The following RBMS3 variants were observed in gnomAD, a reference collection of about 807,000 sequenced individuals.
RBMS3 encodes RNA binding motif single stranded interacting protein 3, also known as RNA-binding motif, single-stranded-interacting protein 3.
Under a neutral mutation model 66.8 loss-of-function variants are expected in RBMS3, and 27 were observed. The observed-to-expected ratio is 0.40, with a 90% CI of 0.30 to 0.56. The LOEUF (loss-of-function observed/expected upper bound fraction) is 0.56. RBMS3 is among the 20% of genes least tolerant of loss of function. The pLI, the probability that RBMS3 is intolerant of heterozygous loss-of-function variation, is 0.40. For synonymous variants in RBMS3, 188 were observed against 183.0 expected, an observed-to-expected ratio of 1.03 and a Z score of -0.22; for missense variants, 513 against 549.5, an observed-to-expected ratio of 0.93 and a Z score of 0.66.
At chr3:29,775,924 T>C (rs2149402252) in intron 6 of RBMS3, among the ~76,000 whole-genome samples, 1 of 152,190 alleles carries the variant, frequency 6.6e-6, no homozygotes, top group East Asian at 1.9e-4. Context: ...TTTACCTAAT[T>C]TGAATGATCT....
At chr3:29,527,181 TAAA>T (rs538907247) in intron 3 of RBMS3, among the ~76,000 whole-genome samples, 1,971 of 87,420 alleles carry the variant, frequency 0.023, 47 homozygotes, top group Admixed American at 0.062. Context: ...TTAGGTAGAG[TAAA>T]AAAAAAAAAA....
At chr3:29,763,749 A>G (rs999503575) in intron 6 of RBMS3, among the ~76,000 whole-genome samples, 1 of 152,254 alleles carries the variant, frequency 6.6e-6, no homozygotes, top group Middle Eastern at 3.4e-3. Context: ...AGGTTTTAAT[A>G]TTAACTAAGT....
At chr3:29,677,749 G>T (rs947407992) in intron 4 of RBMS3, among the ~76,000 whole-genome samples, 1 of 151,826 alleles carries the variant, frequency 6.6e-6, no homozygotes, top group Admixed American at 6.6e-5. Context: ...TTTTCCACAG[G>T]CAGTCTAGGA....
chr3:29,554,608 A>T (rs2046283100), intron 3 of RBMS3, among the ~76,000 whole-genome samples: 1 of 152,216 alleles, frequency 6.6e-6, no homozygotes, highest in South Asian at 2.1e-4. Flanking sequence ...GGAAGAAAAG[A>T]CTTCATAGAG....
chr3:29,588,635 A>G (rs1453786052), intron 4 of RBMS3, among the ~76,000 whole-genome samples: 1 of 152,092 alleles, frequency 6.6e-6, no homozygotes, highest in African/African-American at 2.4e-5. Context: ...AAGGCAGAAT[A>G]AATTTGAATT....
chr3:29,920,734 G>T (rs1456696437), intron 10 of RBMS3, among the ~76,000 whole-genome samples: 2 of 151,852 alleles, frequency 1.3e-5, no homozygotes, highest in East Asian at 3.9e-4. Context: ...CCAGCACTTT[G>T]GAAGGTGGAG....
chr3:29,441,236 T>C (rs1187382946), intron 2 of RBMS3, among the ~76,000 whole-genome samples: 1 of 152,196 alleles, frequency 6.6e-6, no homozygotes, highest in African/African-American at 2.4e-5. Context: ...AATTCCTTGA[T>C]TCAGCAGAGA....
intron 4 of RBMS3, among the ~76,000 whole-genome samples, chr3:29,673,881 G>T (rs1482115398): frequency 6.6e-6 from 1 of 152,100 alleles, no homozygotes; most frequent in South Asian, 2.1e-4. Context: ...GAAAAGGAGG[G>T]AATCCTCCCT....
At chr3:29,708,467 A>G (rs78341761) in intron 4 of RBMS3, among the ~76,000 whole-genome samples, 3,061 of 152,306 alleles carry the variant, frequency 0.02, 102 homozygotes, top group African/African-American at 0.069. Flanking sequence ...AAAATAATAA[A>G]TCGTGTAATT....
intron 6 of RBMS3, among the ~76,000 whole-genome samples, chr3:29,859,482 A>G (rs2059159427): frequency 1.3e-5 from 2 of 152,242 alleles, no homozygotes; most frequent in South Asian, 4.1e-4. Context: ...CTTTGCCACC[A>G]ACTACCACAA....
intron 3 of RBMS3, among the ~76,000 whole-genome samples, chr3:29,576,106 G>A (rs1436604444): frequency 6.6e-6 from 1 of 152,040 alleles, no homozygotes; most frequent in Non-Finnish European, 1.5e-5. Context: ...GGTATTTATT[G>A]TTGTGTTCAT....
At chr3:29,973,247 G>A (rs990634422) in intron 12 of RBMS3, among the ~76,000 whole-genome samples, 1 of 151,742 alleles carries the variant, frequency 6.6e-6, no homozygotes, top group Non-Finnish European at 1.5e-5. Context: ...CACTGAAGAG[G>A]GTATGAGCAG....
intron 11 of RBMS3, among the ~76,000 whole-genome samples, chr3:29,940,883 T>C (rs2149697873): frequency 6.6e-6 from 1 of 151,998 alleles, no homozygotes; most frequent in African/African-American, 2.4e-5. Context: ...ATTCCCTTGA[T>C]GGAACCAAAG....
At chr3:29,520,764 C>T (rs998012109) in intron 3 of RBMS3, among the ~76,000 whole-genome samples, 4 of 152,074 alleles carry the variant, frequency 2.6e-5, no homozygotes, top group Non-Finnish European at 4.4e-5. Context: ...ATTAAAAATA[C>T]ATGTAGTATT....
intron 1 of RBMS3, among the ~76,000 whole-genome samples, chr3:29,363,646 C>T (rs13092803): frequency 0.18 from 26,669 of 151,740 alleles, 2,453 homozygotes; most frequent in Admixed American, 0.24. Context: ...AAAAATTAGC[C>T]GAGTGTTGTG....
intron 5 of RBMS3, among the ~76,000 whole-genome samples, chr3:29,740,197 GAC>G (rs2054574008): frequency 6.6e-6 from 1 of 152,062 alleles, no homozygotes; most frequent in Admixed American, 6.6e-5. Flanking sequence ...ACCTGACAGA[GAC>G]AATAAATGCC....
chr3:29,869,015 T>G, intron 7 of RBMS3, 51 bp downstream of exon 7: 1 of 1,456,298 alleles, frequency 6.9e-7, no homozygotes, highest in Non-Finnish European at 9.3e-7. Flanking sequence ...TAGATATCCC[T>G]CAGAAGGTGG....
chr3:29,509,205 T>C (rs2148952017), intron 3 of RBMS3, among the ~76,000 whole-genome samples: 1 of 152,260 alleles, frequency 6.6e-6, no homozygotes, highest in East Asian at 1.9e-4. Flanking sequence ...GAGCAACCTA[T>C]GTGGCCATAG....
chr3:29,747,390 G>A (rs6785318), intron 5 of RBMS3, among the ~76,000 whole-genome samples: 110 of 141,266 alleles, frequency 7.8e-4, no homozygotes, highest in Non-Finnish European at 1.3e-3. Context: ...AGGTAGGTAG[G>A]TAGATAGATA....
Sources: gnomAD v4.1 joint callset for allele counts (sites outside exome capture counted in the v4.1 genomes callset) on GRCh38, gnomAD v4.1.1 for gene constraint, MANE v1.5 for transcripts, NCBI Gene and HGNC (gene_info 2026-07-23, HGNC 2026-07-21) for gene names.